Variants in NLGN1 observed in about 807,000 individuals in gnomAD.
The protein encoded by NLGN1 is neuroligin 1, also known as neuroligin-1.
NLGN1 carries 12 observed loss-of-function variants against 65.5 expected under a neutral mutation model. That is an observed-to-expected ratio of 0.18 (90% CI 0.12 to 0.30). The LOEUF (loss-of-function observed/expected upper bound fraction) is 0.30. Among genes scored for constraint, NLGN1 ranks in the 10% least tolerant of loss-of-function variants. The pLI is 1.00. For synonymous variants in NLGN1, 350 were observed against 359.5 expected (o/e 0.97, Z 0.30); for missense variants, 750 against 1,007.1 (o/e 0.74, Z 3.46).
intron 4 of NLGN1, among the ~76,000 whole-genome samples, chr3:174,166,972 T>C (rs542894404): frequency 4.9e-4 from 75 of 152,202 alleles, no homozygotes; most frequent in Admixed American, 1.8e-3. Context: ...GTTGGTTTAA[T>C]GTCTGCTTTA....
intron 4 of NLGN1, among the ~76,000 whole-genome samples, chr3:174,214,761 A>C (rs1360779795): frequency 6.6e-6 from 1 of 152,184 alleles, no homozygotes; most frequent in Non-Finnish European, 1.5e-5. Context: ...ACAGATGGTC[A>C]GTAGGGTGAT....
intron 2 of NLGN1, among the ~76,000 whole-genome samples, chr3:173,599,967 G>A (rs1400923847): frequency 1.3e-5 from 2 of 152,010 alleles, no homozygotes; most frequent in African/African-American, 4.8e-5. Context: ...GCCGTGCAGT[G>A]CAGTGCAAGA....
chr3:173,855,625 T>G (rs1262089667), intron 4 of NLGN1, among the ~76,000 whole-genome samples: 1 of 152,044 alleles, frequency 6.6e-6, no homozygotes, highest in Non-Finnish European at 1.5e-5. Flanking sequence ...ATAAACAAAA[T>G]AAAGAATGAC....
chr3:173,501,907 C>A (rs1316103298), intron 2 of NLGN1, among the ~76,000 whole-genome samples: 1 of 152,004 alleles, frequency 6.6e-6, no homozygotes, highest in Non-Finnish European at 1.5e-5. Flanking sequence ...CTGCCCAGGG[C>A]ACCCACATAC....
intron 4 of NLGN1, among the ~76,000 whole-genome samples, chr3:173,933,903 C>T (rs911146882): frequency 2.0e-5 from 3 of 151,912 alleles, no homozygotes; most frequent in African/African-American, 7.2e-5. Flanking sequence ...TCTGTCAGAT[C>T]ACAGTCCTTT....
chr3:173,594,724 G>A (rs921954042), intron 2 of NLGN1, among the ~76,000 whole-genome samples: 9 of 152,238 alleles, frequency 5.9e-5, no homozygotes, highest in African/African-American at 2.2e-4. Context: ...CGCTGCTGCA[G>A]CAAACTTCAG....
At chr3:173,888,896 T>C (rs993303710) in intron 4 of NLGN1, among the ~76,000 whole-genome samples, 3 of 152,140 alleles carry the variant, frequency 2.0e-5, no homozygotes, top group Non-Finnish European at 4.4e-5. Flanking sequence ...CAGCTCACCA[T>C]TTACAAGACA....
chr3:173,879,226 T>C (rs1444095456), intron 4 of NLGN1, among the ~76,000 whole-genome samples: 4 of 151,538 alleles, frequency 2.6e-5, no homozygotes, highest in Non-Finnish European at 5.9e-5. Flanking sequence ...AGTGACACTT[T>C]GTCTCAGACA....
chr3:173,824,470 T>A (rs1192674434), intron 4 of NLGN1, among the ~76,000 whole-genome samples: 46 of 152,170 alleles, frequency 3.0e-4, no homozygotes, highest in Non-Finnish European at 7.4e-5. Context: ...TTTTAAAAAA[T>A]TAAATAAAGC....
intron 2 of NLGN1, among the ~76,000 whole-genome samples, chr3:173,558,929 C>T (rs1742176302): frequency 6.6e-6 from 1 of 151,846 alleles, no homozygotes; most frequent in South Asian, 2.1e-4. Flanking sequence ...AGTAGGTAAG[C>T]TCTTTTCTCT....
intron 3 of NLGN1, among the ~76,000 whole-genome samples, chr3:173,651,726 T>C (rs1429091539): frequency 6.6e-6 from 1 of 152,192 alleles, no homozygotes; most frequent in Non-Finnish European, 1.5e-5. Context: ...GTTGAGCATT[T>C]TTTTTTATGC....
intron 3 of NLGN1, among the ~76,000 whole-genome samples, chr3:173,715,180 G>A (rs1198836300): frequency 6.6e-6 from 1 of 152,098 alleles, no homozygotes; most frequent in East Asian, 1.9e-4. Context: ...GGGATTACAG[G>A]TCTTGGCTTA....
At position 173,639,398 on chromosome 3, in the gene NLGN1, C is replaced by T. The variant is rs967129260; in HGVS notation, c.493+34307C>T. Among the ~76,000 whole-genome samples, 7 of 152,084 alleles carry T rather than the reference C, an allele frequency of 4.6e-5. 1 individual carries two copies. Among genetic ancestry groups the T allele is most frequent in the Admixed American group, 2.6e-4 (4 of 15,268 alleles). On this transcript the variant is annotated intron_variant, in intron 3 of 6. Transcript: ENST00000457714. ...AGCAAGCTGTTGAGGCATCTCTGAC[C>T]GCTGGGAGAACTGGGCCAGACCTCA...
intron 4 of NLGN1, among the ~76,000 whole-genome samples, chr3:173,906,482 G>A (rs1234963169): frequency 6.8e-6 from 1 of 147,502 alleles, no homozygotes; most frequent in Non-Finnish European, 1.5e-5. Context: ...TATCACCCCT[G>A]CCCTGAAAAA....
At chr3:173,481,371 C>A (rs1175119576) in intron 2 of NLGN1, among the ~76,000 whole-genome samples, 5 of 151,914 alleles carry the variant, frequency 3.3e-5, no homozygotes, top group Non-Finnish European at 5.9e-5. Flanking sequence ...AACTGCAATG[C>A]AGAACTAATA....
intron 4 of NLGN1, among the ~76,000 whole-genome samples, chr3:174,167,397 ATT>A (rs1484407778): frequency 2.0e-5 from 3 of 152,082 alleles, no homozygotes; most frequent in African/African-American, 7.2e-5. Context: ...GTGGCAACAA[ATT>A]CCCTTAGAGC....
At chr3:173,632,187 A>G (rs1200299808) in intron 3 of NLGN1, among the ~76,000 whole-genome samples, 1 of 152,176 alleles carries the variant, frequency 6.6e-6, no homozygotes, top group Non-Finnish European at 1.5e-5. Flanking sequence ...AAAAAGGAAC[A>G]TATTCATTTT....
chr3:174,260,579 A>T, intron 4 of NLGN1, among the ~76,000 whole-genome samples: 3 of 138,796 alleles, frequency 2.2e-5, no homozygotes, highest in East Asian at 2.5e-4. Flanking sequence ...TAGATTCTGG[A>T]TATTAGCCCT....
intron 4 of NLGN1, among the ~76,000 whole-genome samples, chr3:173,977,493 C>T (rs944505219): frequency 6.6e-6 from 1 of 151,926 alleles, no homozygotes; most frequent in African/African-American, 2.4e-5. Context: ...ATGTACAATA[C>T]GTTAAGGAGT....
Sources: gnomAD v4.1 joint callset for allele counts (sites outside exome capture counted in the v4.1 genomes callset) on GRCh38, gnomAD v4.1.1 for gene constraint, MANE v1.5 for transcripts, NCBI Gene and HGNC (gene_info 2026-07-23, HGNC 2026-07-21) for gene names.